COL15A1: variants seen among roughly 807,000 people sequenced by gnomAD.
COL15A1 encodes collagen alpha-1(XV) chain.
In COL15A1, 111 loss-of-function variants were observed where a neutral mutation model predicts 165.9. The ratio of observed to expected loss-of-function variants is 0.67; its 90% CI spans 0.57 to 0.78. COL15A1 has a LOEUF of 0.78. Ranked by LOEUF, COL15A1 falls within the 30% of genes least tolerant of loss-of-function variation. The pLI, the probability that COL15A1 is intolerant of heterozygous loss-of-function variation, is 0.00. For missense variants in COL15A1, 1,745 were observed against 1,789.7 expected, an observed-to-expected ratio of 0.98 and a Z score of 0.45; for synonymous variants, 659 against 674.8, an observed-to-expected ratio of 0.98 and a Z score of 0.36.
intron 4 of COL15A1, among the ~76,000 whole-genome samples, chr9:98,988,627 A>G (rs927429690): frequency 6.6e-6 from 1 of 152,214 alleles, no homozygotes; most frequent in African/African-American, 2.4e-5. Flanking sequence ...GGAAAGAAAT[A>G]AAATGAACAA....
chr9:99,028,835 A>G (rs1839171789), intron 16 of COL15A1, among the ~76,000 whole-genome samples: 1 of 152,230 alleles, frequency 6.6e-6, no homozygotes. Flanking sequence ...CAAAAAACGT[A>G]TTGAAATTAT....
chr9:98,950,359 T>C lies in COL15A1; in HGVS notation c.100+6109T>C, dbSNP rs554451004. 7.2e-5 allele frequency among the ~76,000 whole-genome samples: 11 copies of C among 152,352 alleles called. 1 individual carries two copies. The South Asian group carries it at 2.3e-3, about 32-fold the overall frequency. Reference sequence around the variant, plus strand: ...ATCGCCAATGCTTGTTTTCAGTTTTTAAAATTATAGCCATTTTAGTGGATA... The same window carrying C: ...ATCGCCAATGCTTGTTTTCAGTTTTCAAAATTATAGCCATTTTAGTGGATA... On this transcript the variant is annotated intron_variant, in intron 2 of 41. Transcript: ENST00000375001.
chr9:99,049,991 A>G (rs1462077750), intron 30 of COL15A1, 96 bp downstream of exon 30: 4 of 1,533,444 alleles, frequency 2.6e-6, no homozygotes, highest in Non-Finnish European at 2.7e-6. Flanking sequence ...TCTATCCTCA[A>G]ATGTCCTCTC....
Position 99,066,619 on chromosome 9 carries a change from T to G in COL15A1, c.3652-263T>G, listed in dbSNP as rs542656639. Among the ~76,000 whole-genome samples the G allele has an allele frequency of 7.9e-3, 1,115 of 141,430 alleles. 22 individuals are homozygous for G. Among genetic ancestry groups the G allele is most frequent in the African/African-American group, 0.027 (1,068 of 39,550 alleles). The allele number at this position is 141,430 out of a possible 152,430, so 92.8% of individuals were successfully genotyped here. ...GTTCTGTTTTTTTTTTTTTTTTTTT[T>G]TTTTTCACCTAAGGAAGACATTTCT... is the stretch of plus-strand genomic sequence containing the variant. On this transcript the variant is annotated intron_variant, in intron 39 of 41. Transcript: ENST00000375001.
chr9:99,019,690 G>T (rs1397756723), intron 11 of COL15A1, among the ~76,000 whole-genome samples: 23 of 151,766 alleles, frequency 1.5e-4, no homozygotes, highest in Admixed American at 1.5e-3. Context: ...ACTTCTCTCT[G>T]TCACAGTTGA....
At chr9:99,051,668 C>T (rs548281218) in intron 30 of COL15A1, among the ~76,000 whole-genome samples, 62 of 152,258 alleles carry the variant, frequency 4.1e-4, no homozygotes, top group Non-Finnish European at 7.2e-4. Context: ...TCTTGATGGC[C>T]CCTGAGCAGC....
Position 99,054,240 on chromosome 9 carries a change from A to G in COL15A1, c.2951-336A>G, listed in dbSNP as rs573659941. 9.2e-5 allele frequency among the ~76,000 whole-genome samples: 14 copies of G among 152,258 alleles called. No individual in the cohort carries two copies. The East Asian group carries it at 2.7e-3, about 29-fold the overall frequency. On this transcript the variant is annotated intron_variant, in intron 31 of 41. Transcript: ENST00000375001. ...GACATGGTGCTGAGTCTCTGTCTTC[A>G]TTTGTGGCACTGACCAAGCCAGGGT... is the stretch of plus-strand genomic sequence containing the variant.
At chr9:99,000,611 G>A (rs55773358) in intron 6 of COL15A1, among the ~76,000 whole-genome samples, 3,773 of 152,220 alleles carry the variant, frequency 0.025, 166 homozygotes, top group African/African-American at 0.087. Context: ...TCTAGATAAG[G>A]AACTTGAGGC....
intron 2 of COL15A1, 132 bp from the exon 3 acceptor site, chr9:98,985,433 C>A: frequency 1.1e-6 from 1 of 924,022 alleles, no homozygotes; most frequent in African/African-American, 1.7e-5. Flanking sequence ...GTTTGAAAAA[C>A]AACCATTTAG....
chr9:98,992,526 C>CCT (rs1312646142), intron 5 of COL15A1, among the ~76,000 whole-genome samples: 1 of 152,252 alleles, frequency 6.6e-6, no homozygotes, highest in East Asian at 1.9e-4. Context: ...CCGGCTTCAG[C>CCT]CTCTGCCAAC....
intron 28 of COL15A1, among the ~76,000 whole-genome samples, chr9:99,049,229 G>C (rs7036916): frequency 0.13 from 19,373 of 152,198 alleles, 1,280 homozygotes; most frequent in South Asian, 0.2. Context: ...TATCTAACAA[G>C]AGTTTTGCAT....
At chr9:98,989,310 G>A in intron 5 of COL15A1, 52 bp downstream of exon 5, 1 of 1,446,444 alleles carries the variant, frequency 6.9e-7, no homozygotes, top group Non-Finnish European at 9.6e-7. Context: ...TTAGCAGGCT[G>A]AGAATTACTA....
At chr9:98,988,956 TAAAAC>T (rs1287917357) in intron 4 of COL15A1, among the ~76,000 whole-genome samples, 2 of 150,062 alleles carry the variant, frequency 1.3e-5, no homozygotes, top group South Asian at 2.1e-4. Flanking sequence ...AATAAATAAA[TAAAAC>T]AAATAACCAA....
intron 9 of COL15A1, among the ~76,000 whole-genome samples, chr9:99,009,270 T>C (rs1212569995): frequency 6.6e-6 from 1 of 152,348 alleles, no homozygotes; most frequent in South Asian, 2.1e-4. Context: ...ACAAGGAAAC[T>C]TGGTTACTTC....
At chr9:98,989,065 C>CACACT in intron 4 of COL15A1, 113 bp from the exon 5 acceptor site, 1 of 739,414 alleles carries the variant, frequency 1.4e-6, no homozygotes, top group Non-Finnish European at 2.4e-6. Flanking sequence ...CACACACACA[C>CACACT]GGTTTCCCTG....
intron 30 of COL15A1, among the ~76,000 whole-genome samples, chr9:99,051,680 T>A (rs1364716970): frequency 6.6e-6 from 1 of 152,234 alleles, no homozygotes; most frequent in Non-Finnish European, 1.5e-5. Context: ...CTGAGCAGCT[T>A]GTGACCCTCC....
intron 2 of COL15A1, among the ~76,000 whole-genome samples, chr9:98,970,777 G>T (rs1052953616): frequency 6.6e-6 from 1 of 152,138 alleles, no homozygotes; most frequent in Non-Finnish European, 1.5e-5. Context: ...GTAGGTAAGT[G>T]TGTGCATGTG....
intron 2 of COL15A1, among the ~76,000 whole-genome samples, chr9:98,959,597 T>TA (rs111932622): frequency 0.036 from 5,207 of 143,270 alleles, 286 homozygotes; most frequent in African/African-American, 0.12. Context: ...GATCTTGCCA[T>TA]AAAAAAAAAA....
At chr9:99,008,323 A>C (rs886529091) in intron 9 of COL15A1, among the ~76,000 whole-genome samples, 1 of 152,156 alleles carries the variant, frequency 6.6e-6, no homozygotes. Context: ...ACCTGTACAG[A>C]GATTGTGTAG....
Sources: allele counts gnomAD v4.1 joint callset (sites outside exome capture counted in the v4.1 genomes callset), GRCh38; gene constraint gnomAD v4.1.1; transcripts MANE v1.5; gene names NCBI Gene and HGNC (gene_info 2026-07-23, HGNC 2026-07-21).